Variants in SLIT3 observed in about 807,000 individuals in gnomAD.
The protein encoded by SLIT3 is slit guidance ligand 3.
SLIT3 carries 68 observed loss-of-function variants against 184.0 expected under a neutral mutation model. That is an observed-to-expected ratio of 0.37 (90% confidence interval 0.30 to 0.45). The LOEUF (loss-of-function observed/expected upper bound fraction) is 0.45, where lower values mean the gene tolerates loss of function less well. Among genes scored for constraint, SLIT3 ranks in the 20% least tolerant of loss-of-function variants. The pLI is 1.00. For missense variants in SLIT3, 1,707 were observed against 2,026.0 expected, an observed-to-expected ratio of 0.84 and a Z score of 3.02; for synonymous variants, 831 against 828.6, an observed-to-expected ratio of 1.00 and a Z score of -0.05.
intron 4 of SLIT3, among the ~76,000 whole-genome samples, chr5:168,893,061 G>A (rs770091055): frequency 1.2e-4 from 18 of 152,184 alleles, no homozygotes; most frequent in Non-Finnish European, 1.8e-4. Flanking sequence ...GTACAACTGC[G>A]ATTTTGGTGT....
At chr5:169,295,998 T>G (rs1767491970) in intron 1 of SLIT3, among the ~76,000 whole-genome samples, 1 of 152,204 alleles carries the variant, frequency 6.6e-6, no homozygotes, top group African/African-American at 2.4e-5. Context: ...TGCTAAGCAA[T>G]GCCTGGCAAC....
intron 1 of SLIT3, among the ~76,000 whole-genome samples, chr5:169,281,506 C>T (rs1766993283): frequency 6.6e-6 from 1 of 152,194 alleles, no homozygotes; most frequent in Non-Finnish European, 1.5e-5. Flanking sequence ...TTGATCTCAT[C>T]TGTCCAGTTC....
chr5:168,692,588 G>C lies in SLIT3; in HGVS notation c.3176+19C>G. On this transcript the variant is annotated intron_variant, in intron 29 of 35. Coordinates refer to ENST00000519560, the MANE Select transcript of SLIT3 (RefSeq NM_003062.4). The stretch of plus-strand genomic sequence containing the variant: ...AGTTTTCATGGACTCTGTGCTGGGG[G>C]CACGAAGCCAGGTCTTACCTGAATC... The C allele has an allele frequency of 6.3e-7, 1 of 1,582,814 alleles. No homozygotes were observed. The highest frequency in any genetic ancestry group is 1.1e-5 in the South Asian group (1 of 89,958).
intron 4 of SLIT3, among the ~76,000 whole-genome samples, chr5:169,131,568 A>G (rs1761298760): frequency 6.6e-6 from 1 of 152,188 alleles, no homozygotes; most frequent in Non-Finnish European, 1.5e-5. Flanking sequence ...TCTCATCCAA[A>G]CGACTTCTAA....
chr5:169,040,932 A>C (rs1757430232), intron 4 of SLIT3, among the ~76,000 whole-genome samples: 1 of 152,234 alleles, frequency 6.6e-6, no homozygotes, highest in South Asian at 2.1e-4. Flanking sequence ...TTGATGCATT[A>C]ATGTGAGACT....
intron 4 of SLIT3, among the ~76,000 whole-genome samples, chr5:169,032,247 C>T (rs7447181): frequency 0.11 from 16,384 of 152,180 alleles, 1,546 homozygotes; most frequent in African/African-American, 0.25. Flanking sequence ...ATTATAATTA[C>T]AGCTCTGAGT....
chr5:169,157,552 C>T (rs1455853354), intron 4 of SLIT3, among the ~76,000 whole-genome samples: 2 of 152,144 alleles, frequency 1.3e-5, no homozygotes, highest in African/African-American at 2.4e-5. Context: ...CAATGCAATG[C>T]CTCCCCTTCC....
chr5:168,932,654 G>A (rs963736339), intron 4 of SLIT3, among the ~76,000 whole-genome samples: 11 of 152,146 alleles, frequency 7.2e-5, no homozygotes, highest in Admixed American at 2.0e-4. Flanking sequence ...ACAGGACTGC[G>A]GTCAGATCCC....
At chr5:168,871,550 C>T (rs571014847) in intron 5 of SLIT3, among the ~76,000 whole-genome samples, 1 of 152,110 alleles carries the variant, frequency 6.6e-6, no homozygotes, top group Admixed American at 6.5e-5. Flanking sequence ...CGGAAGAGGT[C>T]AGCCCCACTC....
chr5:169,240,207 A>G (rs1765347662), intron 3 of SLIT3, among the ~76,000 whole-genome samples: 1 of 151,972 alleles, frequency 6.6e-6, no homozygotes, highest in African/African-American at 2.4e-5. Context: ...CCTTGAAAAG[A>G]TGTCTATTCT....
chr5:168,840,070 T>C (rs955483861), intron 6 of SLIT3, among the ~76,000 whole-genome samples: 1 of 152,178 alleles, frequency 6.6e-6, no homozygotes, highest in South Asian at 2.1e-4. Flanking sequence ...CCTATAATAA[T>C]GTCAGTGAAT....
intron 4 of SLIT3, among the ~76,000 whole-genome samples, chr5:168,957,252 G>A (rs906872798): frequency 6.6e-6 from 1 of 150,958 alleles, no homozygotes; most frequent in Non-Finnish European, 1.5e-5. Context: ...AAAAATAGAG[G>A]TGGGGGTCTG....
chr5:168,851,139 C>T (rs1207027814), intron 5 of SLIT3, among the ~76,000 whole-genome samples: 4 of 152,054 alleles, frequency 2.6e-5, no homozygotes, highest in South Asian at 4.2e-4. Context: ...CTGGCTCACA[C>T]GGTGAAACCC....
intron 4 of SLIT3, among the ~76,000 whole-genome samples, chr5:169,038,961 C>G (rs767454496): frequency 6.6e-6 from 1 of 152,096 alleles, no homozygotes; most frequent in Non-Finnish European, 1.5e-5. Flanking sequence ...TTACTCCCTC[C>G]TAAGAAAAAA....
intron 4 of SLIT3, among the ~76,000 whole-genome samples, chr5:169,191,035 A>T (rs1344930992): frequency 6.6e-6 from 1 of 152,234 alleles, no homozygotes; most frequent in Non-Finnish European, 1.5e-5. Flanking sequence ...AGCCATTCAA[A>T]GTGTGTCATA....
chr5:169,238,108 A>C (rs988146243), intron 3 of SLIT3, among the ~76,000 whole-genome samples: 4 of 152,190 alleles, frequency 2.6e-5, no homozygotes, highest in African/African-American at 4.8e-5. Flanking sequence ...TGTCTGGATT[A>C]CTATAGCTTT....
At chr5:169,246,326 A>C (rs987120408) in intron 2 of SLIT3, among the ~76,000 whole-genome samples, 1 of 152,134 alleles carries the variant, frequency 6.6e-6, no homozygotes, top group Non-Finnish European at 1.5e-5. Flanking sequence ...TATAGAAACG[A>C]TTGAAGGGAG....
At chr5:169,191,036 G>C (rs562420321) in intron 4 of SLIT3, among the ~76,000 whole-genome samples, 1 of 152,304 alleles carries the variant, frequency 6.6e-6, no homozygotes, top group Admixed American at 6.5e-5. Flanking sequence ...GCCATTCAAA[G>C]TGTGTCATAA....
At chr5:169,230,415 C>G (rs12520069) in intron 3 of SLIT3, among the ~76,000 whole-genome samples, 41,158 of 152,152 alleles carry the variant, frequency 0.27, 5,935 homozygotes, top group East Asian at 0.51. Flanking sequence ...TTCCTCTCTA[C>G]TAGGAGCAAA....
Sources: allele counts gnomAD v4.1 joint callset (sites outside exome capture counted in the v4.1 genomes callset), GRCh38; gene constraint gnomAD v4.1.1; transcripts MANE v1.5; gene names NCBI Gene and HGNC (gene_info 2026-07-23, HGNC 2026-07-21).